Variants in HMCN1 observed in about 807,000 individuals in gnomAD.
The protein encoded by HMCN1 is hemicentin-1.
HMCN1 carries 321 observed loss-of-function variants against 625.9 expected under a neutral mutation model. That is an observed-to-expected ratio of 0.51 (90% confidence interval 0.47 to 0.56). The LOEUF is 0.56. HMCN1 is among the 20% of genes least tolerant of loss of function. The pLI, the probability that HMCN1 is intolerant of heterozygous loss-of-function variation, is 0.00. For synonymous variants in HMCN1, 2,425 were observed against 2,417.6 expected, an observed-to-expected ratio of 1.00 and a Z score of -0.09; for missense variants, 6,588 against 6,887.3, an observed-to-expected ratio of 0.96 and a Z score of 1.54.
chr1:185,906,326 C>T (rs1418315977), intron 4 of HMCN1, among the ~76,000 whole-genome samples: 3 of 151,740 alleles, frequency 2.0e-5, no homozygotes, highest in African/African-American at 7.2e-5. Context: ...CAGAAGTCTG[C>T]ACTATGTCTT....
intron 50 of HMCN1, among the ~76,000 whole-genome samples, chr1:186,069,059 A>G (rs1276232979): frequency 6.6e-6 from 1 of 152,186 alleles, no homozygotes; most frequent in Non-Finnish European, 1.5e-5. Flanking sequence ...GGAAAAGTAT[A>G]AAGTGAGAAT....
chr1:185,972,825 C>G (rs1452414861), intron 15 of HMCN1, among the ~76,000 whole-genome samples: 1 of 152,032 alleles, frequency 6.6e-6, no homozygotes, highest in African/African-American at 2.4e-5. Context: ...TTTTGTGATA[C>G]CAGTACATAT....
At chr1:186,062,738 T>A in intron 48 of HMCN1, 138 bp downstream of exon 48, 1 of 693,292 alleles carries the variant, frequency 1.4e-6, no homozygotes, top group Non-Finnish European at 2.6e-6. Flanking sequence ...TGAGTACTGG[T>A]GAAGTCTCAG....
rs1652263763 is a variant in HMCN1 at position 185,989,566 on chromosome 1, G to A, written c.3127G>A (p.Gly1043Arg). The A allele has an allele frequency of 1.2e-6, 2 of 1,614,058 alleles. No homozygotes were observed. Among genetic ancestry groups the A allele is most frequent in the Non-Finnish European group, 1.7e-6 (2 of 1,179,966 alleles). The change falls in exon 21 of 107, where the codon GGA (glycine) becomes AGA (arginine). Residue 1043 changes from glycine to arginine, a missense_variant. Gly to Arg is a moderately radical substitution (Grantham distance 125). This residue lies in a region of HMCN1 where 4,628 missense variants were observed against 4,853.1 expected (regional missense o/e 0.95). Coordinates refer to ENST00000271588, the MANE Select transcript of HMCN1 (RefSeq NM_031935.3). ...TAGTCTGTATGTGGTATCACCTGGAGGAGAGGAGAGTGGGGAGTATGTCTG... is the reference window on the plus strand; with the variant it reads ...TAGTCTGTATGTGGTATCACCTGGAAGAGAGGAGAGTGGGGAGTATGTCTG... ...DGSLYVVSPG[G>R]EESGEYVCTA...
In HMCN1 at chr1:186,057,515, C is replaced by T. The variant is rs185658763; in HGVS notation, c.7312+114C>T. ...GTTTTATTTTTTAACCTACTGCTTACTGTAATATTCACTAATCATATTAAG... is the reference window on the plus strand; with the variant it reads ...GTTTTATTTTTTAACCTACTGCTTATTGTAATATTCACTAATCATATTAAG... On this transcript the variant is annotated intron_variant, in intron 46 of 106. Coordinates refer to ENST00000271588, the MANE Select transcript of HMCN1 (RefSeq NM_031935.3). The T allele has an allele frequency of 9.4e-6, 7 of 743,450 alleles. No homozygotes were observed. In the African/African-American group the frequency reaches 1.1e-4, roughly 11 times the overall value. 46.1% of individuals were successfully genotyped at this position (743,450 alleles called of 1,614,324 possible). A position where few individuals can be genotyped will look rare whatever the true frequency, so the allele number is the denominator to read the frequency against.
chr1:185,848,789 A>G (rs1661989968), intron 2 of HMCN1, among the ~76,000 whole-genome samples: 2 of 152,248 alleles, frequency 1.3e-5, no homozygotes, highest in South Asian at 4.1e-4. Flanking sequence ...TTTACCCCTT[A>G]TAGTCAGTCC....
chr1:186,134,644 GAAAA>G (rs888672617), intron 86 of HMCN1, among the ~76,000 whole-genome samples: 1 of 152,160 alleles, frequency 6.6e-6, no homozygotes, highest in African/African-American at 2.4e-5. Context: ...TACCTTTGCA[GAAAA>G]AAACTAACAT....
In HMCN1 at chr1:186,145,900, G is replaced by T. The variant is rs1295745276; in HGVS notation, c.14585G>T (p.Arg4862Met). Reference sequence around the variant, plus strand: ...CCCGGAGACACTACTCAGGTGACCAGGTGCAATGTACAAGCATGTCCAGGT... The same window carrying T: ...CCCGGAGACACTACTCAGGTGACCATGTGCAATGTACAAGCATGTCCAGGT... ...PCPGDTTQVT[R>M]CNVQACPGGP... The change falls in exon 93 of 107, where the codon AGG (arginine) becomes ATG (methionine). Residue 4862 changes from arginine (R) to methionine (M), a missense_variant. This residue lies in a region of HMCN1 where 1,954 missense variants were observed against 2,013.1 expected (regional missense o/e 0.97). Transcript: ENST00000271588. 1 of 1,614,052 alleles carries T rather than the reference G, an allele frequency of 6.2e-7. No individual in the cohort carries two copies. The highest frequency in any genetic ancestry group is 8.5e-7 in the Non-Finnish European group (1 of 1,179,992).
At chr1:186,169,546 C>T (rs1474431790) in intron 100 of HMCN1, among the ~76,000 whole-genome samples, 1 of 152,058 alleles carries the variant, frequency 6.6e-6, no homozygotes, top group Admixed American at 6.6e-5. Context: ...CATCTACAAC[C>T]ATCTGATCTT....
chr1:185,947,404 T>G (rs1668401287), intron 11 of HMCN1, among the ~76,000 whole-genome samples: 1 of 152,212 alleles, frequency 6.6e-6, no homozygotes, highest in Non-Finnish European at 1.5e-5. Context: ...CTACCATATT[T>G]GACAGTACAG....
At chr1:186,048,314 C>T (rs921257701) in intron 41 of HMCN1, among the ~76,000 whole-genome samples, 3 of 152,092 alleles carry the variant, frequency 2.0e-5, no homozygotes, top group African/African-American at 2.4e-5. Context: ...TAATACTTAG[C>T]TTAAAGAAGC....
chr1:185,965,010 G>C (rs779975181), intron 13 of HMCN1, among the ~76,000 whole-genome samples: 5 of 152,096 alleles, frequency 3.3e-5, no homozygotes, highest in Non-Finnish European at 5.9e-5. Context: ...TTTGAAGGCA[G>C]TAGGAATCAC....
intron 97 of HMCN1, among the ~76,000 whole-genome samples, chr1:186,156,776 TATAATA>T (rs1184863611): frequency 6.6e-6 from 1 of 152,218 alleles, no homozygotes; most frequent in African/African-American, 2.4e-5. Context: ...GGCACAGCTA[TATAATA>T]ATAACTTAAT....
chr1:185,930,652 T>C (rs965837114), intron 10 of HMCN1, among the ~76,000 whole-genome samples: 3 of 152,166 alleles, frequency 2.0e-5, no homozygotes, highest in Admixed American at 1.3e-4. Flanking sequence ...ACTTTTTTTC[T>C]AGTTGACGTG....
At chr1:185,847,117 C>T (rs1416447426) in intron 2 of HMCN1, among the ~76,000 whole-genome samples, 1 of 149,084 alleles carries the variant, frequency 6.7e-6, no homozygotes, top group Non-Finnish European at 1.5e-5. Context: ...TTCACTTCTT[C>T]TAATCTAGCT....
rs181370276 is a variant in HMCN1, at chr1:185,795,884, A to T, written c.269-50142A>T. 7.5e-4 allele frequency among the ~76,000 whole-genome samples: 115 copies of T among 152,354 alleles called. 1 individual carries two copies. Among genetic ancestry groups the T allele is most frequent in the South Asian group, 4.1e-4 (2 of 4,826 alleles). Reference sequence around the variant, plus strand: ...CATACTACATAGCAGATACGTGCTAAAAGTTTGTTGATCAATGAAATGAAT... The same window carrying T: ...CATACTACATAGCAGATACGTGCTATAAGTTTGTTGATCAATGAAATGAAT... On this transcript the variant is annotated intron_variant, in intron 1 of 106. Coordinates refer to ENST00000271588, the MANE Select transcript of HMCN1 (RefSeq NM_031935.3).
intron 12 of HMCN1, 59 bp from the exon 13 acceptor site, chr1:185,963,709 T>A (rs1320849200): frequency 2.5e-5 from 32 of 1,261,342 alleles, no homozygotes; most frequent in Non-Finnish European, 3.2e-5. Flanking sequence ...CACTATATTA[T>A]CTTGATATTA....
chr1:185,948,647 C>T (rs1199266739), intron 11 of HMCN1, among the ~76,000 whole-genome samples: 2 of 151,798 alleles, frequency 1.3e-5, no homozygotes, highest in Non-Finnish European at 2.9e-5. Context: ...TTTTTTGATT[C>T]TTCAGTTACT....
Position 186,171,397 on chromosome 1 carries a change from G to C in HMCN1, c.15635G>C (p.Ser5212Thr). The C allele has an allele frequency of 6.2e-7, 1 of 1,613,584 alleles. No homozygotes were observed. The highest frequency in any genetic ancestry group is 8.5e-7 in the Non-Finnish European group (1 of 1,179,566). Reference protein sequence around the residue: ...CHQRCFNAIGSFHCGCEPGYQ... With the variant: ...CHQRCFNAIGTFHCGCEPGYQ... ...CAGCGCTGTTTCAATGCCATAGGAA[G>C]TTTCCATTGTGGATGTGAACCTGGG... is the stretch of plus-strand genomic sequence containing the variant. The change falls in exon 101 of 107, where the codon AGT becomes ACT. Residue 5212 changes from serine (S) to threonine (T), a missense_variant. By Grantham distance (58) the Ser-to-Thr change is moderately conservative. Transcript: ENST00000271588.
Sources: allele counts gnomAD v4.1 joint callset (sites outside exome capture counted in the v4.1 genomes callset), GRCh38; gene constraint gnomAD v4.1.1; regional missense constraint gnomAD v4.1.1; transcripts MANE v1.5; gene names NCBI Gene and HGNC (gene_info 2026-07-23, HGNC 2026-07-21).